GRID1: variants seen among roughly 807,000 people sequenced by gnomAD.
GRID1 encodes glutamate ionotropic receptor delta type subunit 1, also known as glutamate receptor ionotropic, delta-1.
GRID1 carries 28 observed loss-of-function variants against 98.0 expected under a neutral mutation model. That is an observed-to-expected ratio of 0.29 (90% CI 0.21 to 0.39). The LOEUF (loss-of-function observed/expected upper bound fraction) is 0.39. GRID1 is among the 10% of genes least tolerant of loss of function. GRID1 has a pLI of 1.00. For missense variants in GRID1, 1,111 were observed against 1,340.5 expected, an observed-to-expected ratio of 0.83 and a Z score of 2.67; for synonymous variants, 553 against 538.5, an observed-to-expected ratio of 1.03 and a Z score of -0.37.
At chr10:86,344,917 G>A (rs1848360962) in intron 2 of GRID1, among the ~76,000 whole-genome samples, 1 of 152,196 alleles carries the variant, frequency 6.6e-6, no homozygotes, top group South Asian at 2.1e-4. Context: ...GAGCAGCACC[G>A]GGTCCCTCTG....
At chr10:85,707,403 C>G (rs1450639870) in intron 12 of GRID1, among the ~76,000 whole-genome samples, 11 of 152,112 alleles carry the variant, frequency 7.2e-5, no homozygotes, top group Non-Finnish European at 1.6e-4. Context: ...CAAATCAAAA[C>G]CACAATGAGA....
At position 85,938,651 on chromosome 10, in the gene GRID1, T is replaced by C. The variant is rs561360941; in HGVS notation, c.727-22412A>G. Among the ~76,000 whole-genome samples the C allele has an allele frequency of 7.6e-4, 115 of 152,266 alleles. 3 individuals carry two copies. In the South Asian group the frequency reaches 0.022, roughly 29 times the overall value. ...ATAGTGAGTAAACATGCTGAAAATA[T>C]ACAAAAGGCTCTCCAGTTCTAATCA... On this transcript the variant is annotated intron_variant, in intron 4 of 15. Transcript: ENST00000327946.
At chr10:85,741,658 T>A (rs1018046252) in intron 8 of GRID1, among the ~76,000 whole-genome samples, 1 of 152,086 alleles carries the variant, frequency 6.6e-6, no homozygotes, top group African/African-American at 2.4e-5. Context: ...AGCTGCCAGG[T>A]TTCTCTTTTT....
intron 2 of GRID1, among the ~76,000 whole-genome samples, chr10:86,236,932 A>G (rs1207550885): frequency 6.6e-6 from 1 of 152,116 alleles, no homozygotes; most frequent in African/African-American, 2.4e-5. Context: ...GCCATGCTGG[A>G]GCCCCTGAGC....
At chr10:85,822,548 G>T (rs151079280) in intron 8 of GRID1, among the ~76,000 whole-genome samples, 22,422 of 152,132 alleles carry the variant, frequency 0.15, 1,919 homozygotes, top group African/African-American at 0.21. Flanking sequence ...ACAAGTGCTG[G>T]AGAGGATGTG....
chr10:85,659,902 C>T lies in GRID1; in HGVS notation c.1998-12505G>A, dbSNP rs931986695. On this transcript the variant is annotated intron_variant, in intron 12 of 15. Transcript: ENST00000327946. ...TGAAGTTTTTGAAGCTGGTCCATGCCAGAGCCAAGTTGAGCTTGTTGAGCT... is the reference window on the plus strand; with the variant it reads ...TGAAGTTTTTGAAGCTGGTCCATGCTAGAGCCAAGTTGAGCTTGTTGAGCT... 5.9e-5 allele frequency among the ~76,000 whole-genome samples: 9 copies of T among 152,200 alleles called. 1 individual carries two copies. In the South Asian group the frequency reaches 8.3e-4, roughly 14 times the overall value.
chr10:85,701,875 C>T (rs1032879035), intron 12 of GRID1, among the ~76,000 whole-genome samples: 1 of 151,934 alleles, frequency 6.6e-6, no homozygotes, highest in Non-Finnish European at 1.5e-5. Flanking sequence ...GTATACCGCT[C>T]GGGAGACAGG....
chr10:85,945,846 T>C (rs942353871), intron 4 of GRID1, among the ~76,000 whole-genome samples: 1 of 152,228 alleles, frequency 6.6e-6, no homozygotes, highest in Non-Finnish European at 1.5e-5. Context: ...TAAATTATTA[T>C]TTATGAGTGA....
chr10:86,054,209 T>A (rs1843543026), intron 4 of GRID1, among the ~76,000 whole-genome samples: 1 of 146,962 alleles, frequency 6.8e-6, no homozygotes, highest in East Asian at 2.1e-4. Context: ...ACCACAGGAC[T>A]CACAGGGAGG....
intron 15 of GRID1, among the ~76,000 whole-genome samples, chr10:85,608,580 C>T (rs1280824405): frequency 1.3e-5 from 2 of 152,148 alleles, no homozygotes; most frequent in Non-Finnish European, 2.9e-5. Flanking sequence ...AGAAAGTGCT[C>T]AATACTTGAA....
intron 2 of GRID1, among the ~76,000 whole-genome samples, chr10:86,314,436 C>T (rs1847871774): frequency 6.6e-6 from 1 of 152,252 alleles, no homozygotes; most frequent in African/African-American, 2.4e-5. Flanking sequence ...GATCAGTGGC[C>T]ATCTGCCTCC....
rs146040785 is a variant in GRID1, at chr10:85,682,509, A to T, written c.1998-35112T>A. On this transcript the variant is annotated intron_variant, in intron 12 of 15. Coordinates refer to ENST00000327946, the MANE Select transcript of GRID1 (RefSeq NM_017551.3). ...CATTACTCCCACCATAGACAACTTT[A>T]CCCTAGCAATGTGATGTCACTGAAT... Among the ~76,000 whole-genome samples the T allele has an allele frequency of 4.3e-3, 654 of 152,322 alleles. 5 individuals are homozygous for T. Among genetic ancestry groups the T allele is most frequent in the African/African-American group, 0.014 (577 of 41,572 alleles).
At chr10:86,134,275 G>A (rs538327729) in intron 4 of GRID1, among the ~76,000 whole-genome samples, 2 of 152,350 alleles carry the variant, frequency 1.3e-5, no homozygotes, top group African/African-American at 2.4e-5. Context: ...CATTTGATAG[G>A]GTTCCTCATC....
intron 4 of GRID1, among the ~76,000 whole-genome samples, chr10:85,958,898 G>T (rs1589313876): frequency 2.0e-5 from 3 of 151,458 alleles, no homozygotes; most frequent in East Asian, 3.9e-4. Flanking sequence ...CAGAGGTTGT[G>T]GTGAGCCAAG....
intron 4 of GRID1, among the ~76,000 whole-genome samples, chr10:85,923,927 T>C (rs1047818295): frequency 2.6e-5 from 4 of 152,156 alleles, no homozygotes; most frequent in African/African-American, 9.7e-5. Context: ...GTCACCCCCT[T>C]TCAAAATTCC....
At chr10:86,328,726 G>A (rs1002939379) in intron 2 of GRID1, among the ~76,000 whole-genome samples, 1 of 152,168 alleles carries the variant, frequency 6.6e-6, no homozygotes, top group Non-Finnish European at 1.5e-5. Context: ...CAGGTCAAGA[G>A]TGAGCCTTGG....
At chr10:86,310,621 C>T (rs572088071) in intron 2 of GRID1, among the ~76,000 whole-genome samples, 17 of 152,254 alleles carry the variant, frequency 1.1e-4, no homozygotes, top group Non-Finnish European at 2.2e-4. Flanking sequence ...TCCAGGCTTC[C>T]CACTGCGCCA....
At chr10:85,930,773 A>G (rs1300531539) in intron 4 of GRID1, among the ~76,000 whole-genome samples, 3 of 152,160 alleles carry the variant, frequency 2.0e-5, no homozygotes, top group Non-Finnish European at 4.4e-5. Context: ...CACTTAGTAT[A>G]GAATATGTGA....
At chr10:85,968,239 A>C (rs1842362026) in intron 4 of GRID1, among the ~76,000 whole-genome samples, 1 of 151,030 alleles carries the variant, frequency 6.6e-6, no homozygotes, top group East Asian at 2.0e-4. Context: ...TCACAAGGTC[A>C]AGAGATCGAG....
Sources: gnomAD v4.1 joint callset for allele counts (sites outside exome capture counted in the v4.1 genomes callset) on GRCh38, gnomAD v4.1.1 for gene constraint, MANE v1.5 for transcripts, NCBI Gene and HGNC (gene_info 2026-07-23, HGNC 2026-07-21) for gene names.